The following ADGRV1 variants were observed in gnomAD, a reference collection of about 807,000 sequenced individuals.
ADGRV1 encodes adhesion G protein-coupled receptor V1.
A neutral mutation model predicts 596.2 loss-of-function variants in ADGRV1; 359 were observed. The observed-to-expected ratio is 0.60, with a 90% confidence interval of 0.55 to 0.66. ADGRV1 has a LOEUF of 0.66. Ranked by LOEUF, ADGRV1 falls within the 30% of genes least tolerant of loss-of-function variation. The pLI is 0.00. For synonymous variants in ADGRV1, 2,681 were observed against 2,679.2 expected, an observed-to-expected ratio of 1.00 and a Z score of -0.02; for missense variants, 7,274 against 7,575.6, an observed-to-expected ratio of 0.96 and a Z score of 1.48.
intron 1 of ADGRV1, 69 bp from the exon 2 acceptor site, chr5:90,614,766 A>G (rs1763147654): frequency 8.9e-7 from 1 of 1,120,898 alleles, no homozygotes; most frequent in African/African-American, 1.5e-5. Flanking sequence ...TTATATCTAT[A>G]GACAATACAA....
chr5:90,752,676 C>T (rs2149958162), intron 53 of ADGRV1, among the ~76,000 whole-genome samples: 1 of 152,264 alleles, frequency 6.6e-6, no homozygotes, highest in Middle Eastern at 3.4e-3. Context: ...AAATACCATT[C>T]AATACAGCAA....
chr5:91,133,377 AC>A (rs1423249643), intron 87 of ADGRV1, among the ~76,000 whole-genome samples: 1 of 152,054 alleles, frequency 6.6e-6, no homozygotes, highest in Non-Finnish European at 1.5e-5. Context: ...TTCATCTGGC[AC>A]TCTCCTGCTC....
At chr5:91,083,274 G>A (rs1789573319) in intron 86 of ADGRV1, among the ~76,000 whole-genome samples, 2 of 152,040 alleles carry the variant, frequency 1.3e-5, no homozygotes, top group East Asian at 3.9e-4. Flanking sequence ...GATAGCATTA[G>A]GAGATATACC....
In ADGRV1 at chr5:90,627,265, G is replaced by T. The variant is rs771776976; in HGVS notation, c.727G>T (p.Ala243Ser). The T allele has an allele frequency of 1.3e-6, 2 of 1,595,810 alleles. No individual in the cohort carries two copies. Among genetic ancestry groups the T allele is most frequent in the Non-Finnish European group, 8.6e-7 (1 of 1,169,370 alleles). ...TCAACTGAAAAGTGTAGAAGGAGGA[G>T]CTGAGATTAACACCTCTAGGAATTC... ...LIQLKSVEGG[A>S]EINTSRNSIE... Residue 243 changes from alanine (A) to serine (S), a missense_variant, in exon 7 of 90, where the codon GCT (alanine) becomes TCT (serine). By Grantham distance (99) the Ala-to-Ser change is moderately conservative. Coordinates refer to ENST00000405460, the MANE Select transcript of ADGRV1 (RefSeq NM_032119.4).
chr5:90,968,410 G>A (rs747843314), intron 84 of ADGRV1, among the ~76,000 whole-genome samples: 2 of 152,172 alleles, frequency 1.3e-5, no homozygotes, highest in Non-Finnish European at 2.9e-5. Context: ...ATGAAGATTG[G>A]TATATTCTAC....
In ADGRV1 at chr5:90,779,031, A is replaced by T. The variant is rs770168462; in HGVS notation, c.13016A>T (p.Asp4339Val). Reference protein sequence around the residue: ...MRKSLHVEILDDDYPEGPEEF... With the variant: ...MRKSLHVEILVDDYPEGPEEF... ...AAAAGTCTGCATGTTGAAATCCTTGATGATGACTATCCTGAAGGCCCAGAG... is the reference window on the plus strand; with the variant it reads ...AAAAGTCTGCATGTTGAAATCCTTGTTGATGACTATCCTGAAGGCCCAGAG... Residue 4339 changes from aspartate to valine, a missense_variant, in exon 64 of 90, where the codon GAT (aspartate) becomes GTT (valine). Asp to Val is a radical substitution (Grantham distance 152). Transcript: ENST00000405460. The T allele has an allele frequency of 7.4e-6, 12 of 1,613,304 alleles. No homozygotes were observed. The African/African-American group carries it at 1.1e-4, about 14-fold the overall frequency.
chr5:91,148,859 C>T (rs1166881920), intron 87 of ADGRV1, among the ~76,000 whole-genome samples: 2 of 152,238 alleles, frequency 1.3e-5, no homozygotes, highest in African/African-American at 4.8e-5. Context: ...GGGAACCCAC[C>T]TCTTGCATCA....
chr5:90,962,130 T>C (rs1413022066), intron 83 of ADGRV1, among the ~76,000 whole-genome samples: 1 of 152,214 alleles, frequency 6.6e-6, no homozygotes, highest in African/African-American at 2.4e-5. Context: ...ATGTTAATTA[T>C]CCTATAGTTC....
intron 86 of ADGRV1, among the ~76,000 whole-genome samples, chr5:91,077,491 T>C (rs541016078): frequency 2.0e-5 from 3 of 152,208 alleles, no homozygotes; most frequent in Admixed American, 1.3e-4. Flanking sequence ...TCAAACAGAG[T>C]TCAAATAAAC....
chr5:90,569,294 T>C (rs1756074416), intron 1 of ADGRV1, among the ~76,000 whole-genome samples: 1 of 144,790 alleles, frequency 6.9e-6, no homozygotes, highest in Non-Finnish European at 1.5e-5. Flanking sequence ...TTTGGAGAGG[T>C]CATTCAGACC....
rs767721447 is a variant in ADGRV1 at position 90,652,491 on chromosome 5, A to G, written c.3562A>G (p.Ile1188Val). Residue 1188 changes from isoleucine (I) to valine (V), a missense_variant, in exon 19 of 90, where the codon ATT becomes GTT. Ile to Val is a conservative substitution (Grantham distance 29, BLOSUM62 3). Transcript: ENST00000405460. Reference protein sequence around the residue: ...FMDGEEAKPIILHAFPDKIPE... With the variant: ...FMDGEEAKPIVLHAFPDKIPE... Reference sequence around the variant, plus strand: ...GGATGGAGAAGAAGCAAAACCAATCATTCTCCATGCTTTTCCAGATAAAAT... The same window carrying G: ...GGATGGAGAAGAAGCAAAACCAATCGTTCTCCATGCTTTTCCAGATAAAAT... 6.2e-7 allele frequency: 1 copy of G among 1,613,344 alleles called. No homozygotes were observed. Among genetic ancestry groups the G allele is most frequent in the East Asian group, 2.2e-5 (1 of 44,858 alleles).
intron 83 of ADGRV1, among the ~76,000 whole-genome samples, chr5:90,911,123 G>C (rs1772847661): frequency 1.3e-5 from 2 of 152,166 alleles, no homozygotes; most frequent in African/African-American, 4.8e-5. Context: ...AGTTTTTTCA[G>C]AGAACCATAA....
chr5:90,755,290 C>A, intron 55 of ADGRV1, 105 bp downstream of exon 55: 1 of 700,588 alleles, frequency 1.4e-6, no homozygotes, highest in Non-Finnish European at 2.3e-6. Flanking sequence ...TAAAAGGATT[C>A]TTTTAAACAT....
intron 83 of ADGRV1, among the ~76,000 whole-genome samples, chr5:90,886,338 G>T (rs996943177): frequency 6.6e-6 from 1 of 152,104 alleles, no homozygotes; most frequent in Non-Finnish European, 1.5e-5. Flanking sequence ...ACTGCTAGAG[G>T]TTGTCAGCTC....
chr5:91,034,748 A>G (rs1407673705), intron 85 of ADGRV1, among the ~76,000 whole-genome samples: 1 of 152,198 alleles, frequency 6.6e-6, no homozygotes, highest in African/African-American at 2.4e-5. Flanking sequence ...TTCTAAAAGT[A>G]CAAGTCAGAG....
chr5:90,928,669 T>C (rs1229081474), intron 83 of ADGRV1, among the ~76,000 whole-genome samples: 1 of 150,540 alleles, frequency 6.6e-6, no homozygotes, highest in African/African-American at 2.4e-5. Context: ...GTTCCGTTGC[T>C]GGTGAGGAAC....
intron 83 of ADGRV1, among the ~76,000 whole-genome samples, chr5:90,923,158 A>G (rs1561944662): frequency 6.6e-6 from 1 of 152,228 alleles, no homozygotes; most frequent in Non-Finnish European, 1.5e-5. Context: ...ATGAATGTGC[A>G]TGCATCACAT....
At chr5:90,800,511 T>C (rs1761241495) in intron 70 of ADGRV1, among the ~76,000 whole-genome samples, 1 of 152,170 alleles carries the variant, frequency 6.6e-6, no homozygotes, top group South Asian at 2.1e-4. Flanking sequence ...TGGAAGACAG[T>C]GTGACGATTC....
Position 90,716,436 on chromosome 5 carries a change from A to T in ADGRV1, c.9185-31A>T, listed in dbSNP as rs987034809. 4.0e-6 allele frequency: 6 copies of T among 1,498,592 alleles called. No homozygotes were observed. In the Admixed American group the frequency reaches 1.0e-4, roughly 26 times the overall value. The allele number at this position is 1,498,592 out of a possible 1,614,324, so 92.8% of individuals were successfully genotyped here. ...AGCATTTATAACCTCTTCTATTTTC[A>T]TTTGTTGCTTTAATATTTTTATTTT... On this transcript the variant is annotated intron_variant, in intron 42 of 89. Transcript: ENST00000405460.
Sources: gnomAD v4.1 joint callset for allele counts (sites outside exome capture counted in the v4.1 genomes callset) on GRCh38, gnomAD v4.1.1 for gene constraint, MANE v1.5 for transcripts, NCBI Gene and HGNC (gene_info 2026-07-23, HGNC 2026-07-21) for gene names.